The following TEK variants were observed in gnomAD, a reference collection of about 807,000 sequenced individuals.
The protein encoded by TEK is angiopoietin-1 receptor.
A neutral mutation model predicts 131.8 loss-of-function variants in TEK; 43 were observed. That is an observed-to-expected ratio of 0.33 (90% CI 0.26 to 0.42). The LOEUF (loss-of-function observed/expected upper bound fraction) is 0.42, where lower values mean the gene tolerates loss of function less well. Among genes scored for constraint, TEK ranks in the 10% least tolerant of loss-of-function variants. TEK has a pLI of 1.00. For missense variants in TEK, 1,162 were observed against 1,384.4 expected (o/e 0.84, Z 2.55); for synonymous variants, 580 against 491.6 (o/e 1.18, Z -2.38).
At chr9:27,195,603 C>T (rs1824977187) in intron 11 of TEK, 1 of 455,546 alleles carries the variant, frequency 2.2e-6, no homozygotes, top group South Asian at 1.6e-5. Context: ...TTTGGAAGGA[C>T]TTCATATCTG....
chr9:27,215,891 A>G (rs1825806375), intron 18 of TEK, among the ~76,000 whole-genome samples: 1 of 152,176 alleles, frequency 6.6e-6, no homozygotes, highest in African/African-American at 2.4e-5. Flanking sequence ...GGCTTCCTGG[A>G]GGAGGTCAAA....
intron 1 of TEK, among the ~76,000 whole-genome samples, chr9:27,112,000 G>T (rs568340182): frequency 6.6e-6 from 1 of 150,882 alleles, no homozygotes; most frequent in African/African-American, 2.4e-5. Context: ...CCAGGTTCAC[G>T]TGATTCTGTG....
chr9:27,138,758 A>G (rs1822601842), intron 1 of TEK, among the ~76,000 whole-genome samples: 1 of 152,230 alleles, frequency 6.6e-6, no homozygotes, highest in Non-Finnish European at 1.5e-5. Flanking sequence ...TCACATAAAC[A>G]GATGGGTCCA....
intron 1 of TEK, among the ~76,000 whole-genome samples, chr9:27,148,834 A>G (rs1312287194): frequency 1.3e-5 from 2 of 152,212 alleles, no homozygotes; most frequent in African/African-American, 2.4e-5. Context: ...TAAGTTTTAC[A>G]TGTAACATAC....
intron 21 of TEK, among the ~76,000 whole-genome samples, chr9:27,224,416 C>A (rs912630636): frequency 6.6e-6 from 1 of 152,122 alleles, no homozygotes; most frequent in Non-Finnish European, 1.5e-5. Context: ...CCACCATGAT[C>A]AAGTCTGCTT....
chr9:27,135,237 A>G (rs1822378301), intron 1 of TEK, among the ~76,000 whole-genome samples: 1 of 150,730 alleles, frequency 6.6e-6, no homozygotes, highest in African/African-American at 2.4e-5. Flanking sequence ...TTTTTGAGAC[A>G]AAGGATTCTT....
chr9:27,181,579 T>G (rs1322952835), intron 7 of TEK, among the ~76,000 whole-genome samples: 2 of 152,224 alleles, frequency 1.3e-5, no homozygotes, highest in Non-Finnish European at 2.9e-5. Context: ...CAGTACTTCA[T>G]TCCTTTTTTA....
chr9:27,152,068 A>C (rs1823147114), intron 1 of TEK, among the ~76,000 whole-genome samples: 1 of 152,196 alleles, frequency 6.6e-6, no homozygotes, highest in Non-Finnish European at 1.5e-5. Context: ...TTGGTATTTC[A>C]AATATTTAGA....
intron 1 of TEK, among the ~76,000 whole-genome samples, chr9:27,156,305 A>G (rs575599323): frequency 2.2e-4 from 34 of 152,206 alleles, no homozygotes; most frequent in South Asian, 1.5e-3. Flanking sequence ...TCCTCTTCCT[A>G]TACAGAACAT....
intron 15 of TEK, among the ~76,000 whole-genome samples, chr9:27,207,791 C>T (rs1411587582): frequency 6.6e-6 from 1 of 152,130 alleles, no homozygotes; most frequent in African/African-American, 2.4e-5. Context: ...TGAATTACCT[C>T]TAAATCTTAT....
chr9:27,228,320 C>CA lies in TEK; in HGVS notation c.3300+16dup. ...AGGAGCGAAAGGTAAGTATTAAAGT[C>CA]AGGCAGGAGATCTTTAATTGGAATA... On this transcript the variant is annotated intron_variant, in intron 22 of 22. Coordinates refer to ENST00000380036, the MANE Select transcript of TEK (RefSeq NM_000459.5). 6 of 1,589,676 alleles carry CA rather than the reference C, an allele frequency of 3.8e-6. No individual in the cohort carries two copies. Among genetic ancestry groups the CA allele is most frequent in the Non-Finnish European group, 5.2e-6 (6 of 1,158,502 alleles).
At chr9:27,164,468 C>G (rs536695694) in intron 2 of TEK, among the ~76,000 whole-genome samples, 1 of 151,774 alleles carries the variant, frequency 6.6e-6, no homozygotes, top group African/African-American at 2.4e-5. Flanking sequence ...TACAGGCGCC[C>G]GCTACCACGC....
chr9:27,189,410 C>G (rs1293608973), intron 9 of TEK, among the ~76,000 whole-genome samples: 1 of 152,176 alleles, frequency 6.6e-6, no homozygotes, highest in Non-Finnish European at 1.5e-5. Context: ...TACTATGGCT[C>G]TTTGGCGGGC....
At chr9:27,212,166 A>G (rs1299758709) in intron 16 of TEK, among the ~76,000 whole-genome samples, 1 of 152,154 alleles carries the variant, frequency 6.6e-6, no homozygotes, top group African/African-American at 2.4e-5. Context: ...AATCAGCAAT[A>G]TGGTGACTTA....
At chr9:27,215,640 G>A (rs1825798291) in intron 18 of TEK, among the ~76,000 whole-genome samples, 1 of 151,384 alleles carries the variant, frequency 6.6e-6, no homozygotes, top group Non-Finnish European at 1.5e-5. Context: ...TAAGCAATTT[G>A]GGGTTTCACT....
At chr9:27,221,684 A>G (rs1240095132) in intron 21 of TEK, among the ~76,000 whole-genome samples, 1 of 152,210 alleles carries the variant, frequency 6.6e-6, no homozygotes, top group Non-Finnish European at 1.5e-5. Context: ...TGACTATTAG[A>G]AGGAAAAGTA....
At chr9:27,161,941 G>A (rs1823562320) in intron 2 of TEK, among the ~76,000 whole-genome samples, 1 of 152,154 alleles carries the variant, frequency 6.6e-6, no homozygotes, top group African/African-American at 2.4e-5. Flanking sequence ...TGAGTAATAG[G>A]TGAGATAATT....
chr9:27,139,251 C>G (rs889506003), intron 1 of TEK, among the ~76,000 whole-genome samples: 17 of 136,362 alleles, frequency 1.2e-4, no homozygotes, highest in Non-Finnish European at 2.7e-4. Context: ...TTTTTATTGT[C>G]TAAAAATCCT....
chr9:27,164,848 T>C (rs1107774), intron 2 of TEK, among the ~76,000 whole-genome samples: 48,777 of 152,012 alleles, frequency 0.32, 8,096 homozygotes, highest in Admixed American at 0.37. Context: ...ACAATTAAAT[T>C]TGTGTAAAGT....
Sources: gnomAD v4.1 joint callset for allele counts (sites outside exome capture counted in the v4.1 genomes callset) on GRCh38, gnomAD v4.1.1 for gene constraint, MANE v1.5 for transcripts, NCBI Gene and HGNC (gene_info 2026-07-23, HGNC 2026-07-21) for gene names.